ABCA10: variants seen among roughly 807,000 people sequenced by gnomAD.
ABCA10 encodes ATP-binding cassette sub-family A member 10.
ABCA10 carries 169 observed loss-of-function variants against 187.5 expected under a neutral mutation model. That is an observed-to-expected ratio of 0.90 (90% confidence interval 0.80 to 1.02). The LOEUF (loss-of-function observed/expected upper bound fraction) is 1.02. Ranked by LOEUF, ABCA10 falls within the 50% of genes least tolerant of loss-of-function variation. The pLI is 0.00. For synonymous variants in ABCA10, 574 were observed against 601.8 expected (o/e 0.95, Z 0.68); for missense variants, 1,727 against 1,812.4 (o/e 0.95, Z 0.86).
At chr17:69,207,800 T>C (rs2074602778) in intron 9 of ABCA10, among the ~76,000 whole-genome samples, 1 of 152,154 alleles carries the variant, frequency 6.6e-6, no homozygotes, top group Admixed American at 6.5e-5. Context: ...AGATGTTTGT[T>C]AGTCAAAGGA....
chr17:69,150,348 T>C, intron 36 of ABCA10: 1 of 242,010 alleles, frequency 4.1e-6, no homozygotes, highest in Non-Finnish European at 8.0e-6. Context: ...TATTTCTTAC[T>C]TACTCTCAAA....
intron 22 of ABCA10, among the ~76,000 whole-genome samples, chr17:69,177,736 C>T (rs762145552): frequency 3.3e-5 from 5 of 151,248 alleles, no homozygotes; most frequent in South Asian, 2.1e-4. Context: ...GGTGGATCAC[C>T]TGAGGTCAGG....
Position 69,174,287 on chromosome 17 carries a change from A to G in ABCA10, c.3156T>C (p.Phe1052=), listed in dbSNP as rs1398969467. 5 of 1,589,460 alleles carry G rather than the reference A, an allele frequency of 3.1e-6. No homozygotes were observed. Residue 1052 remains phenylalanine (F), a synonymous_variant, in exon 25 of 39, where the codon TTT becomes TTC. Transcript: ENST00000690296. ...CGCATGTATATATACTTACAATAAA[A>G]AAGCCAAAAGACCAAAAGCCATTAT... is the stretch of plus-strand genomic sequence containing the variant. ...RKNNGFWSFG[F]FIILICVSTI...
upstream of ABCA10, among the ~76,000 whole-genome samples, chr17:69,231,209 G>GT (rs1343290103): frequency 2.0e-5 from 3 of 152,094 alleles, no homozygotes; most frequent in East Asian, 1.9e-4. Flanking sequence ...TTGCAGATAC[G>GT]TAACTCTAAT....
In ABCA10 at chr17:69,221,895, T is replaced by C. The variant is rs140906904; in HGVS notation, c.200A>G (p.Glu67Gly). 4.6e-4 allele frequency: 729 copies of C among 1,600,068 alleles called. No homozygotes were observed. Among genetic ancestry groups the C allele is most frequent in the Non-Finnish European group, 5.8e-4 (684 of 1,174,430 alleles). ...PVIKEHSEYT[E>G]HCWAMHGEIF... The stretch of plus-strand genomic sequence containing the variant: ...TTCACCATGCATGGCCCAACAGTGT[T>C]CTTTAAGGAAGAAGAAAAACATGTC... Residue 67 changes from glutamate (E) to glycine (G), a missense_variant and splice_region_variant, in exon 5 of 39, where the codon GAA becomes GGA. Glu to Gly is a moderately conservative substitution (Grantham distance 98). Coordinates refer to ENST00000690296, the MANE Select transcript of ABCA10 (RefSeq NM_001377321.1).
At position 69,187,871 on chromosome 17, in the gene ABCA10, T is replaced by G. The variant is rs1172666413; in HGVS notation, c.2140A>C (p.Ile714Leu). 2.5e-6 allele frequency: 4 copies of G among 1,613,442 alleles called. No homozygotes were observed. Among genetic ancestry groups the G allele is most frequent in the Non-Finnish European group, 2.5e-6 (3 of 1,179,492 alleles). Residue 714 changes from isoleucine (I) to leucine (L), a missense_variant, in exon 19 of 39, where the codon ATT becomes CTT. By Grantham distance (5) the Ile-to-Leu change is conservative. Transcript: ENST00000690296. ...ACATGTATTTTCTCTTGTTTCCCAA[T>G]GTCAAAATCTACAATCATGTAATAA... The part of the protein sequence containing the change: ...KSAIDEPDFD[I>L]GKQEKIHVTR...
intron 1 of ABCA10, among the ~76,000 whole-genome samples, chr17:69,239,606 A>G (rs925983383): frequency 7.2e-5 from 11 of 152,140 alleles, no homozygotes; most frequent in African/African-American, 2.4e-4. Context: ...GGCTTTCGAC[A>G]GAGTTGTTCT....
chr17:69,214,300 G>C (rs2074684596), intron 9 of ABCA10, among the ~76,000 whole-genome samples: 2 of 152,192 alleles, frequency 1.3e-5, no homozygotes, highest in South Asian at 4.2e-4. Context: ...CGGATCACGA[G>C]GTCAGGAGAT....
chr17:69,179,432 T>A (rs1014085440), intron 22 of ABCA10, among the ~76,000 whole-genome samples: 1 of 152,302 alleles, frequency 6.6e-6, no homozygotes, highest in African/African-American at 2.4e-5. Context: ...ACTGGCCACA[T>A]GAGACCCATT....
At chr17:69,163,926 C>A in intron 27 of ABCA10, 148 bp downstream of exon 27, 2 of 547,504 alleles carry the variant, frequency 3.7e-6, no homozygotes, top group Non-Finnish European at 6.2e-6. Context: ...TTAAAAATAT[C>A]TTTAGTTCTT....
At chr17:69,156,288 T>C (rs926372664) in intron 28 of ABCA10, among the ~76,000 whole-genome samples, 10 of 152,234 alleles carry the variant, frequency 6.6e-5, no homozygotes, top group Non-Finnish European at 1.3e-4. Flanking sequence ...CAGTTTTTAC[T>C]GTACCTTCTC....
chr17:69,174,379 C>T lies in ABCA10; in HGVS notation c.3064G>A (p.Gly1022Ser). The change falls in exon 25 of 39, where the codon GGT becomes AGT. Residue 1022 changes from glycine to serine, a missense_variant. Transcript: ENST00000690296. ...LMFVLVVCII[G>S]CAVSLIFLTY... The stretch of plus-strand genomic sequence containing the variant: ...AGGAATATAAGAGAAACTGCACAAC[C>T]AATTATGCATACCACCTGCAAATAA... The T allele has an allele frequency of 6.3e-7, 1 of 1,594,126 alleles. No individual in the cohort carries two copies. The highest frequency in any genetic ancestry group is 8.5e-7 in the Non-Finnish European group (1 of 1,173,076).
chr17:69,162,091 ATTAAAG>A (rs1468496616), intron 27 of ABCA10, among the ~76,000 whole-genome samples: 1 of 152,244 alleles, frequency 6.6e-6, no homozygotes, highest in Non-Finnish European at 1.5e-5. Context: ...CGATTGAAAA[ATTAAAG>A]TTAATCAAAC....
chr17:69,223,336 T>C (rs1482647966), intron 3 of ABCA10, among the ~76,000 whole-genome samples: 2 of 151,986 alleles, frequency 1.3e-5, no homozygotes, highest in African/African-American at 4.8e-5. Context: ...AGTACAAAAA[T>C]AAAAAATATA....
intron 22 of ABCA10, among the ~76,000 whole-genome samples, chr17:69,176,620 C>T (rs2074335829): frequency 6.6e-6 from 1 of 151,904 alleles, no homozygotes; most frequent in Admixed American, 6.6e-5. Flanking sequence ...TCCCTGCTTC[C>T]CAGTATCACC....
Position 69,210,849 on chromosome 17 carries a change from T to TAC in ABCA10, c.1006+3854_1006+3855insGT, listed in dbSNP as rs1568069902. On this transcript the variant is annotated intron_variant, in intron 9 of 38. Transcript: ENST00000690296. ...ATATATGCCACATATTTATGCCACA[T>TAC]ATATATATATATATATGCCATATTT... is the stretch of plus-strand genomic sequence containing the variant. Among the ~76,000 whole-genome samples the TAC allele has an allele frequency of 8.1e-4, 22 of 27,230 alleles. 1 individual carries two copies. Among genetic ancestry groups the TAC allele is most frequent in the African/African-American group, 1.8e-3 (22 of 12,110 alleles). The allele number at this position is 27,230 out of a possible 152,430, so 17.9% of individuals were successfully genotyped here.
chr17:69,158,523 A>C (rs965150484), intron 27 of ABCA10, among the ~76,000 whole-genome samples: 2 of 151,924 alleles, frequency 1.3e-5, no homozygotes, highest in African/African-American at 4.8e-5. Context: ...ACAAAAGGGA[A>C]ATAAAGTAAA....
intron 9 of ABCA10, among the ~76,000 whole-genome samples, chr17:69,203,721 A>AT (rs2074566803): frequency 6.6e-6 from 1 of 152,104 alleles, no homozygotes; most frequent in Non-Finnish European, 1.5e-5. Context: ...GTCTGTCTCC[A>AT]TTTTTTGCAC....
At position 69,153,528 on chromosome 17, in the gene ABCA10, C is replaced by T. The variant is rs766862947; in HGVS notation, c.3984G>A (p.Lys1328=). The part of the protein sequence containing the change: ...LSISRLVEAL[K]LQEQLKAPVK... ...CAGGAGCCTTAAGTTGTTCCTGGAG[C>T]TTAAGAGCTTCCACCAATCTGACAA... is the stretch of plus-strand genomic sequence containing the variant. Residue 1328 remains lysine, a synonymous_variant, in exon 33 of 39, where the codon AAG becomes AAA. Coordinates refer to ENST00000690296, the MANE Select transcript of ABCA10 (RefSeq NM_001377321.1). The T allele has an allele frequency of 3.0e-5, 49 of 1,613,968 alleles. No individual in the cohort carries two copies. Among genetic ancestry groups the T allele is most frequent in the Non-Finnish European group, 3.7e-5 (44 of 1,180,018 alleles).
Sources: allele counts gnomAD v4.1 joint callset (sites outside exome capture counted in the v4.1 genomes callset), GRCh38; gene constraint gnomAD v4.1.1; transcripts MANE v1.5; gene names NCBI Gene and HGNC (gene_info 2026-07-23, HGNC 2026-07-21).